The following MROH7 variants were observed in gnomAD, a reference collection of about 807,000 sequenced individuals.
The protein encoded by MROH7 is maestro heat like repeat family member 7.
Under a neutral mutation model 129.2 loss-of-function variants are expected in MROH7, and 113 were observed. The ratio of observed to expected loss-of-function variants is 0.87; its 90% CI spans 0.75 to 1.02. MROH7 has a LOEUF of 1.02. Ranked by LOEUF, MROH7 falls within the 50% of genes least tolerant of loss-of-function variation. MROH7 has a pLI of 0.00. For synonymous variants in MROH7, 655 were observed against 667.9 expected, an observed-to-expected ratio of 0.98 and a Z score of 0.30; for missense variants, 1,601 against 1,671.3, an observed-to-expected ratio of 0.96 and a Z score of 0.73.
chr1:54,708,661 A>G (rs1645574548), intron 22 of MROH7, among the ~76,000 whole-genome samples: 1 of 152,166 alleles, frequency 6.6e-6, no homozygotes, highest in South Asian at 2.1e-4. Context: ...GTCTTACATT[A>G]CTGCTCAAAC....
In MROH7 at chr1:54,673,321, C is replaced by A. The variant is rs1569913783; in HGVS notation, c.1695+135C>A. On this transcript the variant is annotated intron_variant, in intron 8 of 23. Coordinates refer to ENST00000421030, the MANE Select transcript of MROH7 (RefSeq NM_001039464.4). ...GTCATCTTGTGTGAGTGTTCTGCCT[C>A]CCTGTCTGTCTCACAGGCCCTGTCC... 6.0e-6 allele frequency: 4 copies of A among 672,126 alleles called. No individual in the cohort carries two copies. In the East Asian group the frequency reaches 1.1e-4, roughly 18 times the overall value. 41.6% of individuals were successfully genotyped at this position (672,126 alleles called of 1,614,324 possible).
At chr1:54,672,436 G>A (rs1644916630) in intron 7 of MROH7, among the ~76,000 whole-genome samples, 1 of 152,112 alleles carries the variant, frequency 6.6e-6, no homozygotes, top group Admixed American at 6.6e-5. Flanking sequence ...CAAACCCACT[G>A]CCCAGCCTCG....
In MROH7 at chr1:54,666,833, C is replaced by G. The variant is rs140882961; in HGVS notation, c.1305+1593C>G. Among the ~76,000 whole-genome samples the G allele has an allele frequency of 2.2e-3, 333 of 152,258 alleles. 4 individuals are homozygous for G. The highest frequency in any genetic ancestry group is 0.01 in the Middle Eastern group (3 of 294). On this transcript the variant is annotated intron_variant, in intron 4 of 23. Transcript: ENST00000421030. ...AACAGAGATTATCTTGTGAAAGGGT[C>G]TGTTCAGATGTGGTTACATTCTTGG...
intron 15 of MROH7, among the ~76,000 whole-genome samples, chr1:54,688,437 G>C (rs948012121): frequency 6.6e-6 from 1 of 152,050 alleles, no homozygotes; most frequent in Non-Finnish European, 1.5e-5. Context: ...TGTTATGATA[G>C]GAGTGTGCCT....
intron 3 of MROH7, among the ~76,000 whole-genome samples, chr1:54,657,074 A>C (rs1644661377): frequency 1.4e-5 from 2 of 146,016 alleles, no homozygotes; most frequent in East Asian, 4.0e-4. Flanking sequence ...TTTAGACATG[A>C]TCTCACTCTG....
chr1:54,692,577 A>T lies in MROH7; in HGVS notation c.2849+16A>T. 6.4e-7 allele frequency: 1 copy of T among 1,566,724 alleles called. No individual in the cohort carries two copies. The highest frequency in any genetic ancestry group is 1.4e-5 in the African/African-American group (1 of 73,582). ...TGCTGGCAAGGTGAGTCCCGGGACC[A>T]CCTTGGGGTTGGGGTGGGAGGGAGA... On this transcript the variant is annotated intron_variant, in intron 16 of 23. Transcript: ENST00000421030.
chr1:54,697,903 G>T, intron 17 of MROH7: 1 of 463,220 alleles, frequency 2.2e-6, no homozygotes, highest in South Asian at 5.0e-5. Flanking sequence ...CACAAAGTCA[G>T]GGACTCTAGG....
intron 15 of MROH7, among the ~76,000 whole-genome samples, chr1:54,690,793 G>T (rs1645224804): frequency 6.6e-6 from 1 of 152,182 alleles, no homozygotes; most frequent in South Asian, 2.1e-4. Flanking sequence ...CACAAATGAG[G>T]ACTGGGAGGA....
At chr1:54,664,436 C>A (rs982041502) in intron 3 of MROH7, among the ~76,000 whole-genome samples, 1 of 152,114 alleles carries the variant, frequency 6.6e-6, no homozygotes, top group African/African-American at 2.4e-5. Context: ...TGAAGGAGAG[C>A]CTTAGTGGGG....
At position 54,678,852 on chromosome 1, in the gene MROH7, G is replaced by A. The variant is rs186975837; in HGVS notation, c.2047G>A (p.Glu683Lys). ...SPCQNILRVIEEFGDFLGPQQ... is the reference protein window; with the variant it reads ...SPCQNILRVIKEFGDFLGPQQ... ...GTGCCAGAACATTCTGCGGGTGATC[G>A]AGGTGACTGCCTGGTGCCCATCCAG... Residue 683 changes from glutamate (E) to lysine (K), a missense_variant and splice_region_variant, in exon 11 of 24, where the codon GAG becomes AAG. Transcript: ENST00000421030. The A allele has an allele frequency of 4.2e-3, 6,839 of 1,612,650 alleles. 14 individuals are homozygous for A. Among genetic ancestry groups the A allele is most frequent in the Non-Finnish European group, 5.2e-3 (6,091 of 1,178,822 alleles).
intron 1 of MROH7, among the ~76,000 whole-genome samples, chr1:54,648,181 G>T (rs1644498336): frequency 6.6e-6 from 1 of 151,750 alleles, no homozygotes; most frequent in Non-Finnish European, 1.5e-5. Flanking sequence ...GCCATGCCCT[G>T]CTGAAGACAC....
intron 15 of MROH7, among the ~76,000 whole-genome samples, chr1:54,686,802 T>C (rs181455791): frequency 4.8e-4 from 73 of 152,314 alleles, no homozygotes; most frequent in Middle Eastern, 3.4e-3. Flanking sequence ...GTAGATAATA[T>C]AGGCACATGG....
rs1369961768 is a variant in MROH7, at chr1:54,702,372, GT to G, written c.3441+131del. ...CAGTTATGTATGTCCAGCCATGTCT[GT>G]TTTCTAAAGGTGCCCACATCAGGAT... On this transcript the variant is annotated intron_variant, in intron 20 of 23. Coordinates refer to ENST00000421030, the MANE Select transcript of MROH7 (RefSeq NM_001039464.4). 19 of 915,800 alleles carry G rather than the reference GT, an allele frequency of 2.1e-5. No homozygotes were observed. The African/African-American group carries it at 3.1e-4, about 15-fold the overall frequency. The allele number at this position is 915,800 out of a possible 1,614,324, so 56.7% of individuals were successfully genotyped here.
chr1:54,707,592 A>T (rs902033701), intron 22 of MROH7, among the ~76,000 whole-genome samples: 2 of 152,214 alleles, frequency 1.3e-5, no homozygotes, highest in Non-Finnish European at 1.5e-5. Flanking sequence ...GGGGCTGCTC[A>T]GAGACATCTA....
At chr1:54,679,576 G>T in intron 12 of MROH7, 137 bp downstream of exon 12, 1 of 983,120 alleles carries the variant, frequency 1.0e-6, no homozygotes, top group East Asian at 2.6e-5. Context: ...GGCAGGGAAG[G>T]GGTGCTGGTG....
At chr1:54,689,116 G>C (rs921165946) in intron 15 of MROH7, among the ~76,000 whole-genome samples, 3 of 152,166 alleles carry the variant, frequency 2.0e-5, no homozygotes, top group African/African-American at 4.8e-5. Context: ...TTGGAAAAAG[G>C]GTCTTTGCAG....
intron 3 of MROH7, among the ~76,000 whole-genome samples, chr1:54,658,031 C>A (rs999947482): frequency 6.6e-6 from 1 of 152,112 alleles, no homozygotes; most frequent in Non-Finnish European, 1.5e-5. Flanking sequence ...ACTATTGGCA[C>A]CATTTCCTCT....
intron 17 of MROH7, chr1:54,699,159 T>TTTTTC (rs1645384650): frequency 3.0e-5 from 2 of 65,920 alleles, no homozygotes; most frequent in Admixed American, 3.2e-4. Flanking sequence ...TCTTTCTTTC[T>TTTTTC]TTTCTTTCTT....
Position 54,679,348 on chromosome 1 carries a change from C to T in MROH7, c.2135C>T (p.Pro712Leu), listed in dbSNP as rs1645031353. 6.2e-7 allele frequency: 1 copy of T among 1,614,158 alleles called. No homozygotes were observed. Among genetic ancestry groups the T allele is most frequent in the South Asian group, 1.1e-5 (1 of 91,090 alleles). ...LEGLKGSSEA[P>L]GKDSREMMQL... ...GGGCTGAAAGGCAGCTCAGAGGCTC[C>T]AGGGAAGGACTCCAGGGAGATGATG... Residue 712 changes from proline (P) to leucine (L), a missense_variant, in exon 12 of 24, where the codon CCA becomes CTA. By Grantham distance (98) the Pro-to-Leu change is moderately conservative (BLOSUM62 -3). Coordinates refer to ENST00000421030, the MANE Select transcript of MROH7 (RefSeq NM_001039464.4).
Sources: allele counts gnomAD v4.1 joint callset (sites outside exome capture counted in the v4.1 genomes callset), GRCh38; gene constraint gnomAD v4.1.1; transcripts MANE v1.5; gene names NCBI Gene and HGNC (gene_info 2026-07-23, HGNC 2026-07-21).